IQGAP2: variants seen among roughly 807,000 people sequenced by gnomAD.
The protein encoded by IQGAP2 is IQ motif containing GTPase activating protein 2, also known as ras GTPase-activating-like protein IQGAP2.
IQGAP2 carries 173 observed loss-of-function variants against 201.3 expected under a neutral mutation model. The ratio of observed to expected loss-of-function variants is 0.86; its 90% CI spans 0.76 to 0.98. IQGAP2 has a LOEUF of 0.98. Among genes scored for constraint, IQGAP2 ranks in the 50% least tolerant of loss-of-function variants. The pLI is 0.00. For synonymous variants in IQGAP2, 675 were observed against 673.9 expected (o/e 1.00, Z -0.03); for missense variants, 1,687 against 1,864.8 (o/e 0.90, Z 1.76).
Position 76,617,774 on chromosome 5 carries a change from G to T in IQGAP2, c.1521+6591G>T, listed in dbSNP as rs147722976. On this transcript the variant is annotated intron_variant, in intron 13 of 35. Transcript: ENST00000274364. Reference sequence around the variant, plus strand: ...TAATATTGCTTGGAGCAAAGCAAATGGTAAAAATCACAAGGATGAGGAGAC... The same window carrying T: ...TAATATTGCTTGGAGCAAAGCAAATTGTAAAAATCACAAGGATGAGGAGAC... 5 of 1,613,442 alleles carry T rather than the reference G, an allele frequency of 3.1e-6. No homozygotes were observed. In the African/African-American group the frequency reaches 5.3e-5, roughly 17 times the overall value.
intron 1 of IQGAP2, among the ~76,000 whole-genome samples, chr5:76,449,465 C>G (rs776680946): frequency 2.0e-5 from 3 of 152,156 alleles, no homozygotes; most frequent in Non-Finnish European, 4.4e-5. Context: ...AGTCCTTCTT[C>G]CACCTTATCC....
chr5:76,612,495 G>A (rs776949868), intron 13 of IQGAP2, among the ~76,000 whole-genome samples: 9 of 151,754 alleles, frequency 5.9e-5, no homozygotes, highest in Middle Eastern at 3.4e-3. Context: ...GCTCTGTCTC[G>A]AAAATAAATA....
chr5:76,645,922 T>A (rs988776920), intron 17 of IQGAP2, among the ~76,000 whole-genome samples: 1 of 152,164 alleles, frequency 6.6e-6, no homozygotes, highest in Middle Eastern at 3.2e-3. Flanking sequence ...AGGTCACTTA[T>A]TCAGAATGTT....
intron 1 of IQGAP2, among the ~76,000 whole-genome samples, chr5:76,413,136 T>C (rs1475056374): frequency 6.6e-6 from 1 of 150,902 alleles, no homozygotes; most frequent in Non-Finnish European, 1.5e-5. Flanking sequence ...AGCCCTATTT[T>C]CTTTTTTCTT....
rs189204613 is a variant in IQGAP2 at position 76,589,067 on chromosome 5, A to G, written c.526+94A>G. The G allele has an allele frequency of 3.8e-4, 279 of 742,234 alleles. 1 individual carries two copies. In the East Asian group the frequency reaches 8.3e-3, roughly 22 times the overall value. The allele number at this position is 742,234 out of a possible 1,614,324, so 46.0% of individuals were successfully genotyped here. A position where few individuals can be genotyped will look rare whatever the true frequency, so the allele number is the denominator to read the frequency against. On this transcript the variant is annotated intron_variant, in intron 6 of 35. Coordinates refer to ENST00000274364, the MANE Select transcript of IQGAP2 (RefSeq NM_006633.5). ...GGTGGCTCATGCCTGTAATCCCAGC[A>G]CTTTGGGAGGCCGAGGCGGGCGGAT...
chr5:76,643,764 T>C (rs1321532254), intron 17 of IQGAP2, among the ~76,000 whole-genome samples: 1 of 151,870 alleles, frequency 6.6e-6, no homozygotes, highest in Non-Finnish European at 1.5e-5. Flanking sequence ...GCTCAGGGAG[T>C]GCCACAAGCA....
intron 17 of IQGAP2, among the ~76,000 whole-genome samples, chr5:76,647,387 T>C (rs1752132570): frequency 6.6e-6 from 1 of 152,162 alleles, no homozygotes; most frequent in Admixed American, 6.6e-5. Context: ...GGTTTGGCTC[T>C]GTGTCCCCAC....
chr5:76,415,942 C>CAA (rs11394699), intron 1 of IQGAP2, among the ~76,000 whole-genome samples: 12,886 of 135,594 alleles, frequency 0.095, 1,090 homozygotes, highest in African/African-American at 0.23. Flanking sequence ...GTAACTGTCT[C>CAA]AAAAAAAAAA....
chr5:76,578,786 TA>T (rs1334378105), intron 5 of IQGAP2, among the ~76,000 whole-genome samples: 1 of 152,100 alleles, frequency 6.6e-6, no homozygotes. Flanking sequence ...TCTTTGAACT[TA>T]AAGTGTATAC....
At chr5:76,536,794 CT>C (rs1170866565) in intron 2 of IQGAP2, among the ~76,000 whole-genome samples, 8 of 151,858 alleles carry the variant, frequency 5.3e-5, no homozygotes, top group African/African-American at 1.9e-4. Context: ...TAAGACATGG[CT>C]TTTGGCTTTT....
chr5:76,672,345 G>C (rs762867962), intron 24 of IQGAP2, among the ~76,000 whole-genome samples: 1 of 152,154 alleles, frequency 6.6e-6, no homozygotes, highest in Non-Finnish European at 1.5e-5. Context: ...TAACAATCCA[G>C]GTTGGATTGG....
chr5:76,532,216 A>G (rs1759342880), intron 2 of IQGAP2, among the ~76,000 whole-genome samples: 1 of 152,116 alleles, frequency 6.6e-6, no homozygotes. Context: ...CCTAATAGAA[A>G]CCATATGAGA....
intron 17 of IQGAP2, among the ~76,000 whole-genome samples, chr5:76,644,971 G>A (rs1184708910): frequency 6.6e-6 from 1 of 152,102 alleles, no homozygotes; most frequent in Admixed American, 6.6e-5. Flanking sequence ...TCTAGATTAG[G>A]TATTTCTCCT....
In IQGAP2 at chr5:76,487,169, G is replaced by T. The variant is rs1756210470; in HGVS notation, c.146+25500G>T. Among the ~76,000 whole-genome samples the T allele has an allele frequency of 5.3e-5, 8 of 150,572 alleles. No homozygotes were observed. The Admixed American group carries it at 5.3e-4, about 10-fold the overall frequency. Reference sequence around the variant, plus strand: ...GCTGGAGTGCAGTGGCACAATCTCAGCTCGCTGCAACCTCCGCCTCCCAGG... The same window carrying T: ...GCTGGAGTGCAGTGGCACAATCTCATCTCGCTGCAACCTCCGCCTCCCAGG... On this transcript the variant is annotated intron_variant, in intron 2 of 35. Coordinates refer to ENST00000274364, the MANE Select transcript of IQGAP2 (RefSeq NM_006633.5).
intron 1 of IQGAP2, among the ~76,000 whole-genome samples, chr5:76,448,829 C>G (rs893327683): frequency 6.6e-6 from 1 of 152,152 alleles, no homozygotes; most frequent in African/African-American, 2.4e-5. Context: ...ATTATAATAT[C>G]ATCAGTGACT....
chr5:76,597,654 C>T (rs569106335), intron 10 of IQGAP2, 52 bp downstream of exon 10: 13 of 1,581,966 alleles, frequency 8.2e-6, no homozygotes, highest in African/African-American at 4.0e-5. Context: ...CGTGCCATGG[C>T]GCACTAGGGA....
At chr5:76,407,476 C>T (rs1750861061) in intron 1 of IQGAP2, among the ~76,000 whole-genome samples, 1 of 152,174 alleles carries the variant, frequency 6.6e-6, no homozygotes, top group South Asian at 2.1e-4. Context: ...TTTAGCATAG[C>T]TCAGCTGTAA....
intron 7 of IQGAP2, 31 bp downstream of exon 7, chr5:76,589,759 G>T (rs1746515018): frequency 4.0e-6 from 5 of 1,262,186 alleles, no homozygotes; most frequent in Non-Finnish European, 5.6e-6. Context: ...AACTTGCCAT[G>T]GATGTGAGAC....
At chr5:76,544,234 T>G (rs1463000098) in intron 2 of IQGAP2, among the ~76,000 whole-genome samples, 1 of 152,144 alleles carries the variant, frequency 6.6e-6, no homozygotes, top group East Asian at 1.9e-4. Context: ...AGAACCTTCA[T>G]TTGAAACAAT....
Sources: gnomAD v4.1 joint callset for allele counts (sites outside exome capture counted in the v4.1 genomes callset) on GRCh38, gnomAD v4.1.1 for gene constraint, MANE v1.5 for transcripts, NCBI Gene and HGNC (gene_info 2026-07-23, HGNC 2026-07-21) for gene names.